C2CD5: variants seen among roughly 807,000 people sequenced by gnomAD.
The protein encoded by C2CD5 is C2 calcium dependent domain containing 5, also known as C2 domain-containing protein 5.
C2CD5 carries 109 observed loss-of-function variants against 130.3 expected under a neutral mutation model. The observed-to-expected ratio is 0.84, with a 90% CI of 0.72 to 0.98. The LOEUF is 0.98. Among genes scored for constraint, C2CD5 ranks in the 50% least tolerant of loss-of-function variants. The pLI is 0.00. For missense variants in C2CD5, 996 were observed against 1,261.8 expected, an observed-to-expected ratio of 0.79 and a Z score of 3.19; for synonymous variants, 454 against 429.2, an observed-to-expected ratio of 1.06 and a Z score of -0.71.
intron 22 of C2CD5, among the ~76,000 whole-genome samples, chr12:22,462,487 T>C (rs76674959): frequency 3.5e-4 from 54 of 152,294 alleles, no homozygotes; most frequent in Non-Finnish European, 5.1e-4. Flanking sequence ...AATACAGGGC[T>C]ATGGTTTTAT....
chr12:22,472,940 T>A (rs1366691558), intron 16 of C2CD5, 133 bp from the exon 17 acceptor site: 1 of 614,616 alleles, frequency 1.6e-6, no homozygotes, highest in Non-Finnish European at 2.9e-6. Flanking sequence ...AAGAAAAAAA[T>A]TCTAATATCA....
chr12:22,524,689 G>A (rs1050784457), intron 5 of C2CD5, 62 bp from the exon 6 acceptor site: 9 of 1,278,748 alleles, frequency 7.0e-6, no homozygotes, highest in Non-Finnish European at 1.0e-5. Flanking sequence ...TTTAAAAAAT[G>A]TACATCTCAA....
chr12:22,498,324 G>A (rs1947318634), intron 10 of C2CD5, among the ~76,000 whole-genome samples: 1 of 152,144 alleles, frequency 6.6e-6, no homozygotes, highest in South Asian at 2.1e-4. Flanking sequence ...AACACAGTGT[G>A]CAACACATGG....
At position 22,527,834 on chromosome 12, in the gene C2CD5, G is replaced by T; in HGVS notation, c.236C>A (p.Thr79Asn). The change falls in exon 4 of 27, where the codon ACT (threonine) becomes AAT (asparagine). Residue 79 changes from threonine to asparagine, a missense_variant. Physicochemically the swap from Thr to Asn is moderately conservative, Grantham distance 65. Coordinates refer to ENST00000446597, the MANE Select transcript of C2CD5 (RefSeq NM_001286176.2). ...ACCAATGGCATCATTTGCACTGTAA[G>T]TATCATGGTCAAGAACTGTGATCTG... is the stretch of plus-strand genomic sequence containing the variant. ...PLQITVLDHDTYSANDAIGKV... is the reference protein window; with the variant it reads ...PLQITVLDHDNYSANDAIGKV... 1 of 1,611,298 alleles carries T rather than the reference G, an allele frequency of 6.2e-7. No homozygotes were observed. The highest frequency in any genetic ancestry group is 8.5e-7 in the Non-Finnish European group (1 of 1,177,804).
rs1285876157 is a variant in C2CD5, at chr12:22,544,164, G to C, written c.-14C>G. On this transcript the variant is annotated 5_prime_UTR_variant, in exon 2 of 27. Transcript: ENST00000446597. ...CTTCCCTGGCATGGTCTCGGTTTCGGCCTCTTCTTGGGCTCCTGCAGAAAC... is the reference window on the plus strand; with the variant it reads ...CTTCCCTGGCATGGTCTCGGTTTCGCCCTCTTCTTGGGCTCCTGCAGAAAC... The C allele has an allele frequency of 1.9e-6, 3 of 1,613,336 alleles. No individual in the cohort carries two copies. Among genetic ancestry groups the C allele is most frequent in the South Asian group, 1.1e-5 (1 of 91,060 alleles).
intron 9 of C2CD5, among the ~76,000 whole-genome samples, chr12:22,507,730 T>G (rs556278221): frequency 3.3e-5 from 5 of 152,354 alleles, no homozygotes; most frequent in Non-Finnish European, 5.9e-5. Flanking sequence ...TGTAGCTCAC[T>G]TAACTGGAAT....
chr12:22,451,784 G>A (rs1045055120), intron 26 of C2CD5, among the ~76,000 whole-genome samples: 1 of 152,088 alleles, frequency 6.6e-6, no homozygotes, highest in Non-Finnish European at 1.5e-5. Flanking sequence ...GGCAACAGAT[G>A]AGTCTGAAAA....
intron 7 of C2CD5, chr12:22,519,191 G>A (rs1473529431): frequency 6.5e-7 from 1 of 1,535,854 alleles, no homozygotes; most frequent in Admixed American, 2.0e-5. Context: ...GAATTGGGCT[G>A]TTGTGAGTCG....
intron 2 of C2CD5, among the ~76,000 whole-genome samples, chr12:22,539,020 A>G (rs1038257786): frequency 3.9e-5 from 6 of 152,058 alleles, no homozygotes; most frequent in Non-Finnish European, 8.8e-5. Flanking sequence ...TAGGTTCTGT[A>G]TCTTTTCATT....
chr12:22,480,874 G>GCA (rs1565693838), intron 14 of C2CD5, among the ~76,000 whole-genome samples: 1 of 151,704 alleles, frequency 6.6e-6, no homozygotes, highest in African/African-American at 2.4e-5. Context: ...GCACAATCAC[G>GCA]GCTCACTGCA....
At chr12:22,489,310 A>G (rs1271258007) in intron 12 of C2CD5, among the ~76,000 whole-genome samples, 2 of 151,620 alleles carry the variant, frequency 1.3e-5, no homozygotes, top group African/African-American at 4.8e-5. Context: ...AATAGTTTAT[A>G]TATGTGTATA....
chr12:22,533,698 TGAAA>T, intron 3 of C2CD5, among the ~76,000 whole-genome samples: 1 of 152,128 alleles, frequency 6.6e-6, no homozygotes, highest in Middle Eastern at 3.4e-3. Context: ...AAGGGAGGAA[TGAAA>T]AGAGACCTGG....
chr12:22,538,588 T>C (rs1014157151), intron 2 of C2CD5, among the ~76,000 whole-genome samples: 2 of 152,232 alleles, frequency 1.3e-5, no homozygotes, highest in South Asian at 2.1e-4. Context: ...TTCAACTGTA[T>C]TGACCTCTCC....
intron 10 of C2CD5, chr12:22,497,730 T>C (rs1173716032): frequency 5.6e-6 from 1 of 179,640 alleles, no homozygotes; most frequent in African/African-American, 2.4e-5. Context: ...ATAGAGGAAG[T>C]CATGTGCAAA....
chr12:22,486,665 G>A (rs1945569472), intron 12 of C2CD5, among the ~76,000 whole-genome samples: 1 of 152,076 alleles, frequency 6.6e-6, no homozygotes, highest in African/African-American at 2.4e-5. Context: ...GATGATTTTA[G>A]AATCACTGAC....
At chr12:22,467,760 A>G (rs1942327339) in intron 22 of C2CD5, among the ~76,000 whole-genome samples, 2 of 152,292 alleles carry the variant, frequency 1.3e-5, no homozygotes, top group Non-Finnish European at 2.9e-5. Context: ...GTACTGTTCA[A>G]ATAGGACTTA....
At chr12:22,458,922 A>G in intron 23 of C2CD5, 1 of 170,614 alleles carries the variant, frequency 5.9e-6, no homozygotes, top group Admixed American at 6.3e-5. Context: ...CTTAATTTAC[A>G]ATATTTCAGT....
rs150517076 is a variant in C2CD5, at chr12:22,507,835, G to A, written c.1039-1016C>T. On this transcript the variant is annotated intron_variant, in intron 9 of 26. Transcript: ENST00000446597. ...TCTCAACGGTCAAAAGAACTGTTACGGTCTCAAGCTCTAAAGCTCATATAC... is the reference window on the plus strand; with the variant it reads ...TCTCAACGGTCAAAAGAACTGTTACAGTCTCAAGCTCTAAAGCTCATATAC... 3.2e-3 allele frequency among the ~76,000 whole-genome samples: 494 copies of A among 152,168 alleles called. 3 individuals are homozygous for A. Among genetic ancestry groups the A allele is most frequent in the African/African-American group, 0.011 (471 of 41,506 alleles).
intron 10 of C2CD5, among the ~76,000 whole-genome samples, chr12:22,504,961 G>A (rs1388901179): frequency 1.3e-5 from 2 of 151,216 alleles, no homozygotes; most frequent in Non-Finnish European, 3.0e-5. Flanking sequence ...GAAACGGGGG[G>A]AAAAAAAACT....
Sources: allele counts gnomAD v4.1 joint callset (sites outside exome capture counted in the v4.1 genomes callset), GRCh38; gene constraint gnomAD v4.1.1; transcripts MANE v1.5; gene names NCBI Gene and HGNC (gene_info 2026-07-23, HGNC 2026-07-21).